NOPCHAP1: variants seen among roughly 807,000 people sequenced by gnomAD.
NOPCHAP1 encodes the protein NOP protein chaperone 1, also known as DNA damage-sensitive RNA 1.
Under a neutral mutation model 14.0 loss-of-function variants are expected in NOPCHAP1, and 13 were observed. That is an observed-to-expected ratio of 0.93 (90% CI 0.60 to 1.47). The LOEUF (loss-of-function observed/expected upper bound fraction) is 1.47. Among genes scored for constraint, NOPCHAP1 ranks in the 40% most tolerant of loss-of-function variants. The pLI is 0.00. For synonymous variants in NOPCHAP1, 78 were observed against 78.4 expected, an observed-to-expected ratio of 1.00 and a Z score of 0.03; for missense variants, 230 against 226.9, an observed-to-expected ratio of 1.01 and a Z score of -0.09.
At position 105,012,964 on chromosome 12, in the gene NOPCHAP1, A is replaced by T. The variant is rs1873863898; in HGVS notation, c.*18268A>T. ...CTCCCAGTCAGTAGGCATAGGGGTC[A>T]AGGACCCACTTGAGGAGGCAGTCTG... is the stretch of plus-strand genomic sequence containing the variant. On this transcript the variant is annotated 3_prime_UTR_variant, in exon 4 of 4. Coordinates refer to ENST00000552951, the MANE Select transcript of NOPCHAP1 (RefSeq NM_152318.3). 1 of 152,344 alleles carries T rather than the reference A, an allele frequency of 6.6e-6. No individual in the cohort carries two copies. The highest frequency in any genetic ancestry group is 2.1e-4 in the South Asian group (1 of 4,832). 9.4% of individuals were successfully genotyped at this position (152,344 alleles called of 1,614,324 possible).
In NOPCHAP1 at chr12:105,016,070, TA is replaced by T. The variant is rs1439785778; in HGVS notation, c.*21379del. The T allele has an allele frequency of 6.6e-6, 1 of 151,714 alleles. No individual in the cohort carries two copies. Among genetic ancestry groups the T allele is most frequent in the Non-Finnish European group, 1.5e-5 (1 of 67,954 alleles). 9.4% of individuals were successfully genotyped at this position (151,714 alleles called of 1,614,324 possible). On this transcript the variant is annotated 3_prime_UTR_variant, in exon 4 of 4. Transcript: ENST00000552951. The stretch of plus-strand genomic sequence containing the variant: ...GTGGAAAATTCATCCCCATAAATAT[TA>T]AAAACTAGTGTGTTGCAAATAAATT...
Position 104,991,764 on chromosome 12 carries a change from G to A in NOPCHAP1, c.255G>A (p.Lys85=), listed in dbSNP as rs373230527. ...CACAGATGGCACGGGCAAATGAAAA[G>A]CTAAGAAAAGAAATGGCAGCTGCAC... ...FLPQMARANE[K]LRKEMAAAPP... is the part of the protein sequence containing the mutation. Residue 85 remains lysine, a synonymous_variant, in exon 3 of 4, where the codon AAG becomes AAA. Coordinates refer to ENST00000552951, the MANE Select transcript of NOPCHAP1 (RefSeq NM_152318.3). 1.2e-6 allele frequency: 2 copies of A among 1,613,698 alleles called. No homozygotes were observed.
Position 105,015,143 on chromosome 12 carries a change from TA to T in NOPCHAP1, c.*20450del, listed in dbSNP as rs1007313683. 6.6e-6 allele frequency: 1 copy of T among 152,230 alleles called. No homozygotes were observed. The highest frequency in any genetic ancestry group is 2.4e-5 in the African/African-American group (1 of 41,456). 9.4% of individuals were successfully genotyped at this position (152,230 alleles called of 1,614,324 possible). A position where few individuals can be genotyped will look rare whatever the true frequency, so the allele number is the denominator to read the frequency against. ...CTCTCCTTGACTGTGACTCACTCGCTAAATGTGTAAAGAAATGAGCAGATCT... is the reference window on the plus strand; with the variant it reads ...CTCTCCTTGACTGTGACTCACTCGCTAATGTGTAAAGAAATGAGCAGATCT... On this transcript the variant is annotated 3_prime_UTR_variant, in exon 4 of 4. Coordinates refer to ENST00000552951, the MANE Select transcript of NOPCHAP1 (RefSeq NM_152318.3).
rs758044123 is a variant in NOPCHAP1 at position 104,995,257 on chromosome 12, T to C, written c.*561T>C. On this transcript the variant is annotated 3_prime_UTR_variant, in exon 4 of 4. Transcript: ENST00000552951. ...TAAGCCCAGCATGTCGTCCACTGTT[T>C]GGGATGCCTGCAAACTAACCATTAG... is the stretch of plus-strand genomic sequence containing the variant. 1 of 153,656 alleles carries C rather than the reference T, an allele frequency of 6.5e-6. No homozygotes were observed. The highest frequency in any genetic ancestry group is 2.4e-5 in the African/African-American group (1 of 41,474). 9.5% of individuals were successfully genotyped at this position (153,656 alleles called of 1,614,324 possible).
rs1241617536 is a variant in NOPCHAP1 at position 105,017,587 on chromosome 12, C to T, written c.*22891C>T. 1 of 151,296 alleles carries T rather than the reference C, an allele frequency of 6.6e-6. No individual in the cohort carries two copies. The highest frequency in any genetic ancestry group is 1.9e-4 in the East Asian group (1 of 5,168). 9.4% of individuals were successfully genotyped at this position (151,296 alleles called of 1,614,324 possible). On this transcript the variant is annotated 3_prime_UTR_variant, in exon 4 of 4. Transcript: ENST00000552951. ...TCTCACTGCCTAGCATAGTGCCTTT[C>T]ACTCAGTTGGAATATATAATAAATG...
chr12:104,992,381 C>T (rs1873398524), intron 3 of NOPCHAP1, among the ~76,000 whole-genome samples: 1 of 152,224 alleles, frequency 6.6e-6, no homozygotes, highest in Non-Finnish European at 1.5e-5. Flanking sequence ...ACAACCTCTG[C>T]AGTTCCTTTG....
At position 104,996,281 on chromosome 12, in the gene NOPCHAP1, A is replaced by AGCTCCT. The variant is rs1363590663; in HGVS notation, c.*1587_*1592dup. 2 of 152,170 alleles carry AGCTCCT rather than the reference A, an allele frequency of 1.3e-5. No individual in the cohort carries two copies. Among genetic ancestry groups the AGCTCCT allele is most frequent in the East Asian group, 3.9e-4 (2 of 5,190 alleles). 9.4% of individuals were successfully genotyped at this position (152,170 alleles called of 1,614,324 possible). A position where few individuals can be genotyped will look rare whatever the true frequency, so the allele number is the denominator to read the frequency against. ...AGTTCATCCACTGGTACATCTGCATAGCTCCTGAACAAGGTCCAGGAGGAA... is the reference window on the plus strand; with the variant it reads ...AGTTCATCCACTGGTACATCTGCATAGCTCCTGCTCCTGAACAAGGTCCAGGAGGAA... On this transcript the variant is annotated 3_prime_UTR_variant, in exon 4 of 4. Coordinates refer to ENST00000552951, the MANE Select transcript of NOPCHAP1 (RefSeq NM_152318.3).
rs1873601103 is a variant in NOPCHAP1, at chr12:105,001,142, T to C, written c.*6446T>C. On this transcript the variant is annotated 3_prime_UTR_variant, in exon 4 of 4. Transcript: ENST00000552951. Reference sequence around the variant, plus strand: ...GTTCGATTAACTGTTTTAGCTGTTTTATAACTTGTCCAGTGAAACAGGTTC... The same window carrying C: ...GTTCGATTAACTGTTTTAGCTGTTTCATAACTTGTCCAGTGAAACAGGTTC... The C allele has an allele frequency of 6.6e-6, 1 of 152,138 alleles. No homozygotes were observed. The highest frequency in any genetic ancestry group is 2.4e-5 in the African/African-American group (1 of 41,432). 9.4% of individuals were successfully genotyped at this position (152,138 alleles called of 1,614,324 possible).
chr12:105,006,666 G>A lies in NOPCHAP1; in HGVS notation c.*11970G>A, dbSNP rs1364487554. The A allele has an allele frequency of 6.6e-6, 1 of 152,196 alleles. No individual in the cohort carries two copies. The highest frequency in any genetic ancestry group is 1.5e-5 in the Non-Finnish European group (1 of 68,044). 9.4% of individuals were successfully genotyped at this position (152,196 alleles called of 1,614,324 possible). ...GTTAGCAGCCTTATAGATAAGGGCAGTCCTGATCATAAATCTAATTGCATT... is the reference window on the plus strand; with the variant it reads ...GTTAGCAGCCTTATAGATAAGGGCAATCCTGATCATAAATCTAATTGCATT... On this transcript the variant is annotated 3_prime_UTR_variant, in exon 4 of 4. Transcript: ENST00000552951.
At position 105,002,622 on chromosome 12, in the gene NOPCHAP1, C is replaced by G. The variant is rs1322110902; in HGVS notation, c.*7926C>G. 6.6e-6 allele frequency: 1 copy of G among 152,174 alleles called. No individual in the cohort carries two copies. The highest frequency in any genetic ancestry group is 1.5e-5 in the Non-Finnish European group (1 of 68,026). 9.4% of individuals were successfully genotyped at this position (152,174 alleles called of 1,614,324 possible). Reference sequence around the variant, plus strand: ...ATTTTTCTAGGTCTCATTGGCCCTACTCTTGATGAGGTTTTGGGGGAGTCT... The same window carrying G: ...ATTTTTCTAGGTCTCATTGGCCCTAGTCTTGATGAGGTTTTGGGGGAGTCT... On this transcript the variant is annotated 3_prime_UTR_variant, in exon 4 of 4. Coordinates refer to ENST00000552951, the MANE Select transcript of NOPCHAP1 (RefSeq NM_152318.3).
At position 104,986,331 on chromosome 12, in the gene NOPCHAP1, A is replaced by C; in HGVS notation, c.-22A>C. ...AGCCTTTTTCCTGCATCCGGGCCTG[A>C]GAGTGCAGGCTTGAGGGAAGCATGG... On this transcript the variant is annotated 5_prime_UTR_variant, in exon 1 of 4. Coordinates refer to ENST00000552951, the MANE Select transcript of NOPCHAP1 (RefSeq NM_152318.3). 6.3e-7 allele frequency: 1 copy of C among 1,585,340 alleles called. No individual in the cohort carries two copies. Among genetic ancestry groups the C allele is most frequent in the Non-Finnish European group, 8.6e-7 (1 of 1,163,034 alleles).
At chr12:104,989,847 G>C (rs374880709) in intron 2 of NOPCHAP1, among the ~76,000 whole-genome samples, 1 of 152,082 alleles carries the variant, frequency 6.6e-6, no homozygotes, top group Admixed American at 6.5e-5. Flanking sequence ...CGCTGATTTC[G>C]TTGAGTTCAC....
rs1873526966 is a variant in NOPCHAP1, at chr12:104,997,768, T to A, written c.*3072T>A. ...GCCTCTCTAGCAAGGTTGGGGAAGT[T>A]TTCATCAGCGATATCCTGAAATATG... On this transcript the variant is annotated 3_prime_UTR_variant, in exon 4 of 4. Coordinates refer to ENST00000552951, the MANE Select transcript of NOPCHAP1 (RefSeq NM_152318.3). 1.3e-5 allele frequency: 2 copies of A among 152,336 alleles called. No homozygotes were observed. Among genetic ancestry groups the A allele is most frequent in the South Asian group, 4.1e-4 (2 of 4,826 alleles). 9.4% of individuals were successfully genotyped at this position (152,336 alleles called of 1,614,324 possible).
chr12:105,014,544 A>G lies in NOPCHAP1; in HGVS notation c.*19848A>G, dbSNP rs1873907800. 6.6e-6 allele frequency: 1 copy of G among 152,230 alleles called. No individual in the cohort carries two copies. Among genetic ancestry groups the G allele is most frequent in the African/African-American group, 2.4e-5 (1 of 41,464 alleles). 9.4% of individuals were successfully genotyped at this position (152,230 alleles called of 1,614,324 possible). The stretch of plus-strand genomic sequence containing the variant: ...CTCAAACATACCTATTTTTATTTTA[A>G]GAATTCCTTTCTAGTTTGAGTTGGA... On this transcript the variant is annotated 3_prime_UTR_variant, in exon 4 of 4. Coordinates refer to ENST00000552951, the MANE Select transcript of NOPCHAP1 (RefSeq NM_152318.3).
chr12:104,992,066 T>C (rs1169571410), intron 3 of NOPCHAP1, among the ~76,000 whole-genome samples: 12 of 152,230 alleles, frequency 7.9e-5, no homozygotes. Flanking sequence ...CATTTGTTAT[T>C]CTGAAGCATT....
rs1755795790 is a variant in NOPCHAP1 at position 105,014,575 on chromosome 12, G to T, written c.*19879G>T. The T allele has an allele frequency of 6.6e-6, 1 of 151,970 alleles. No individual in the cohort carries two copies. Among genetic ancestry groups the T allele is most frequent in the South Asian group, 2.1e-4 (1 of 4,824 alleles). 9.4% of individuals were successfully genotyped at this position (151,970 alleles called of 1,614,324 possible). A position where few individuals can be genotyped will look rare whatever the true frequency, so the allele number is the denominator to read the frequency against. Reference sequence around the variant, plus strand: ...CCTTTCTAGTTTGAGTTGGAAAACTGATGCTTGTAGTGTAATCACTGTTGG... The same window carrying T: ...CCTTTCTAGTTTGAGTTGGAAAACTTATGCTTGTAGTGTAATCACTGTTGG... On this transcript the variant is annotated 3_prime_UTR_variant, in exon 4 of 4. Transcript: ENST00000552951.
At chr12:104,990,312 T>G (rs1873344294) in intron 2 of NOPCHAP1, among the ~76,000 whole-genome samples, 1 of 152,232 alleles carries the variant, frequency 6.6e-6, no homozygotes, top group African/African-American at 2.4e-5. Flanking sequence ...TTTGCTCTAC[T>G]TGATTCATTA....
rs1873852051 is a variant in NOPCHAP1, at chr12:105,012,514, C to T, written c.*17818C>T. On this transcript the variant is annotated 3_prime_UTR_variant, in exon 4 of 4. Coordinates refer to ENST00000552951, the MANE Select transcript of NOPCHAP1 (RefSeq NM_152318.3). ...CAATTCGTCAAACTTATTCTCTGTC[C>T]AGTTTTGTTTCCTTGCTGGTGAGGA... 6.6e-6 allele frequency: 1 copy of T among 152,168 alleles called. No homozygotes were observed. 9.4% of individuals were successfully genotyped at this position (152,168 alleles called of 1,614,324 possible). A position where few individuals can be genotyped will look rare whatever the true frequency, so the allele number is the denominator to read the frequency against.
rs1873962766 is a variant in NOPCHAP1, at chr12:105,017,110, A to G, written c.*22414A>G. On this transcript the variant is annotated 3_prime_UTR_variant, in exon 4 of 4. Coordinates refer to ENST00000552951, the MANE Select transcript of NOPCHAP1 (RefSeq NM_152318.3). ...AATAAATCTCCCATCTGTTCCAATA[A>G]CATTTTAATTGCGCATCAAATATGG... The G allele has an allele frequency of 6.6e-6, 1 of 152,178 alleles. No homozygotes were observed. Among genetic ancestry groups the G allele is most frequent in the African/African-American group, 2.4e-5 (1 of 41,426 alleles). The allele number at this position is 152,178 out of a possible 1,614,324, so 9.4% of individuals were successfully genotyped here.
Sources: allele counts gnomAD v4.1 joint callset (sites outside exome capture counted in the v4.1 genomes callset), GRCh38; gene constraint gnomAD v4.1.1; transcripts MANE v1.5; gene names NCBI Gene and HGNC (gene_info 2026-07-23, HGNC 2026-07-21).